The following ACP3 variants were observed in gnomAD, a reference collection of about 807,000 sequenced individuals.
ACP3 encodes prostatic acid phosphatase.
ACP3 carries 38 observed loss-of-function variants against 45.6 expected under a neutral mutation model. The ratio of observed to expected loss-of-function variants is 0.83; its 90% CI spans 0.64 to 1.09. The LOEUF is 1.09. Among genes scored for constraint, ACP3 ranks in the 50% least tolerant of loss-of-function variants. The pLI, the probability that ACP3 is intolerant of heterozygous loss-of-function variation, is 0.00. For missense variants in ACP3, 466 were observed against 463.2 expected, an observed-to-expected ratio of 1.01 and a Z score of -0.05; for synonymous variants, 162 against 164.7, an observed-to-expected ratio of 0.98 and a Z score of 0.13.
intron 4 of ACP3, chr3:132,333,425 A>G (rs10935002): frequency 0.28 from 42,875 of 152,628 alleles, 7,399 homozygotes; most frequent in Admixed American, 0.39. Context: ...AGGCATGACC[A>G]TCGCATCTCT....
Position 132,357,626 on chromosome 3 carries a change from T to C in ACP3, c.*748T>C, listed in dbSNP as rs1178953541. ...AGCAGCTCTTGAAGTATATATATCA[T>C]AGCAAATAAGTCATCTGATGAGAAC... On this transcript the variant is annotated 3_prime_UTR_variant, in exon 10 of 10. Transcript: ENST00000336375. 1.0e-6 allele frequency: 1 copy of C among 984,550 alleles called. No individual in the cohort carries two copies. The highest frequency in any genetic ancestry group is 1.2e-6 in the Non-Finnish European group (1 of 829,266). The allele number at this position is 984,550 out of a possible 1,614,324, so 61.0% of individuals were successfully genotyped here.
chr3:132,337,967 G>C (rs1197374423), intron 5 of ACP3, among the ~76,000 whole-genome samples: 2 of 151,950 alleles, frequency 1.3e-5, no homozygotes, highest in Non-Finnish European at 2.9e-5. Flanking sequence ...CAATACAAAA[G>C]GTAGATATAA....
chr3:132,345,937 A>C (rs1159658514), intron 7 of ACP3, among the ~76,000 whole-genome samples: 4 of 152,246 alleles, frequency 2.6e-5, no homozygotes, highest in Admixed American at 6.5e-5. Context: ...GGGATAAAGA[A>C]GAAGAGAAAG....
intron 1 of ACP3, among the ~76,000 whole-genome samples, chr3:132,325,430 C>T (rs546846025): frequency 1.4e-4 from 21 of 152,320 alleles, no homozygotes; most frequent in Middle Eastern, 3.4e-3. Context: ...TTCCAGTTCT[C>T]TGCTCTTCAA....
chr3:132,332,100 GTC>G, intron 3 of ACP3, 90 bp from the exon 4 acceptor site: 2 of 1,366,942 alleles, frequency 1.5e-6, no homozygotes, highest in Non-Finnish European at 2.1e-6. Flanking sequence ...CACTGTGGGT[GTC>G]CTTTCCTTTC....
chr3:132,339,722 G>C (rs1330001656), intron 5 of ACP3, among the ~76,000 whole-genome samples: 1 of 152,186 alleles, frequency 6.6e-6, no homozygotes, highest in East Asian at 1.9e-4. Flanking sequence ...GCTCTCTGAA[G>C]GCTCTCTGAA....
intron 1 of ACP3, among the ~76,000 whole-genome samples, chr3:132,323,856 A>G (rs148428654): frequency 6.6e-6 from 1 of 152,350 alleles, no homozygotes; most frequent in East Asian, 1.9e-4. Flanking sequence ...ATGAGGATAT[A>G]AAAGAAACAA....
At chr3:132,355,367 T>C (rs183134780) in intron 9 of ACP3, among the ~76,000 whole-genome samples, 111 of 152,344 alleles carry the variant, frequency 7.3e-4, no homozygotes, top group African/African-American at 2.5e-3. Flanking sequence ...ATCTAGGCCA[T>C]ATCATCTTAA....
chr3:132,320,253 G>A (rs752239203), intron 1 of ACP3, among the ~76,000 whole-genome samples: 5 of 152,048 alleles, frequency 3.3e-5, no homozygotes, highest in Non-Finnish European at 7.4e-5. Context: ...CCAATGTCCT[G>A]TAGAAAACAC....
intron 9 of ACP3, among the ~76,000 whole-genome samples, chr3:132,354,646 GGAGA>G (rs1311681690): frequency 6.6e-6 from 1 of 152,110 alleles, no homozygotes; most frequent in Non-Finnish European, 1.5e-5. Flanking sequence ...GAGAAGATAC[GGAGA>G]GAGACAGAAA....
chr3:132,343,422 T>C (rs1937573752), intron 6 of ACP3, among the ~76,000 whole-genome samples: 1 of 152,216 alleles, frequency 6.6e-6, no homozygotes, highest in African/African-American at 2.4e-5. Flanking sequence ...CATGCTACTT[T>C]CCCAGTATTT....
rs535730858 is a variant in ACP3, at chr3:132,321,343, A to G, written c.120+3767A>G. Among the ~76,000 whole-genome samples the G allele has an allele frequency of 2.6e-5, 4 of 152,114 alleles. No homozygotes were observed. In the South Asian group the frequency reaches 8.3e-4, roughly 32 times the overall value. ...AAAAGAAAAAAAAAAAAGATGGACC[A>G]GATAAAATTCCACTGAAAAGCAAAA... On this transcript the variant is annotated intron_variant, in intron 1 of 9. Coordinates refer to ENST00000336375, the MANE Select transcript of ACP3 (RefSeq NM_001099.5).
At chr3:132,350,073 C>T (rs1197440410) in intron 8 of ACP3, 71 bp downstream of exon 8, 2 of 1,105,404 alleles carry the variant, frequency 1.8e-6, no homozygotes, top group Admixed American at 3.7e-5. Context: ...AGGACCTCAT[C>T]TTTTTTTAAT....
At chr3:132,348,668 T>C (rs558640285) in intron 7 of ACP3, among the ~76,000 whole-genome samples, 2 of 152,260 alleles carry the variant, frequency 1.3e-5, no homozygotes, top group African/African-American at 2.4e-5. Flanking sequence ...AAGTCCCTAA[T>C]GCATTCCACA....
At chr3:132,328,863 G>T (rs1937351341) in intron 2 of ACP3, among the ~76,000 whole-genome samples, 3 of 152,150 alleles carry the variant, frequency 2.0e-5, no homozygotes. Context: ...GCCAGGATTT[G>T]AATTTCTTAG....
downstream of ACP3, among the ~76,000 whole-genome samples, chr3:132,362,625 A>G (rs1938062378): frequency 1.3e-5 from 2 of 152,354 alleles, no homozygotes; most frequent in East Asian, 1.9e-4. Context: ...AACACAGCAG[A>G]GGCAATTAGC....
intron 4 of ACP3, among the ~76,000 whole-genome samples, chr3:132,333,655 C>T (rs73001161): frequency 0.062 from 9,378 of 152,238 alleles, 913 homozygotes; most frequent in African/African-American, 0.21. Context: ...CAGGATGATT[C>T]ATTTACATCT....
intron 6 of ACP3, among the ~76,000 whole-genome samples, chr3:132,344,277 C>CAAAA (rs56793876): frequency 2.0e-5 from 2 of 99,360 alleles, no homozygotes; most frequent in Non-Finnish European, 3.9e-5. Flanking sequence ...GATTCTGTCT[C>CAAAA]AAAAAAAAAA....
intron 9 of ACP3, among the ~76,000 whole-genome samples, chr3:132,354,667 G>A (rs9790122): frequency 0.48 from 72,348 of 151,954 alleles, 18,002 homozygotes; most frequent in Middle Eastern, 0.65. Flanking sequence ...GAAAGAGAGA[G>A]TATTTTAGAT....
Sources: allele counts gnomAD v4.1 joint callset (sites outside exome capture counted in the v4.1 genomes callset), GRCh38; gene constraint gnomAD v4.1.1; transcripts MANE v1.5; gene names NCBI Gene and HGNC (gene_info 2026-07-23, HGNC 2026-07-21).